Variants in SIPA1L1 observed in about 807,000 individuals in gnomAD.
SIPA1L1 encodes signal induced proliferation associated 1 like 1.
A neutral mutation model predicts 162.7 loss-of-function variants in SIPA1L1; 26 were observed. The ratio of observed to expected loss-of-function variants is 0.16; its 90% CI spans 0.12 to 0.22. The LOEUF is 0.22. SIPA1L1 is among the 10% of genes least tolerant of loss of function. The pLI is 1.00. For synonymous variants in SIPA1L1, 829 were observed against 837.4 expected (o/e 0.99, Z 0.17); for missense variants, 1,874 against 2,241.0 (o/e 0.84, Z 3.31).
At chr14:71,595,191 C>G (rs903680980) in intron 5 of SIPA1L1, among the ~76,000 whole-genome samples, 2 of 152,206 alleles carry the variant, frequency 1.3e-5, no homozygotes, top group Non-Finnish European at 2.9e-5. Flanking sequence ...TAGTTCAACA[C>G]TTGACTTTAT....
At position 71,646,941 on chromosome 14, in the gene SIPA1L1, C is replaced by T. The variant is rs118081072; in HGVS notation, c.1819-3394C>T. ...ATATAACCTCAAAGCAATCCAAAATCCCCACATCATGGCTTTACAACTCCA... is the reference window on the plus strand; with the variant it reads ...ATATAACCTCAAAGCAATCCAAAATTCCCACATCATGGCTTTACAACTCCA... On this transcript the variant is annotated intron_variant, in intron 7 of 23. Transcript: ENST00000381232. Among the ~76,000 whole-genome samples the T allele has an allele frequency of 3.0e-4, 46 of 152,288 alleles. No individual in the cohort carries two copies. The East Asian group carries it at 8.3e-3, about 28-fold the overall frequency.
At chr14:71,446,906 G>GTTT (rs1189940440) in intron 2 of SIPA1L1, among the ~76,000 whole-genome samples, 1,736 of 52,962 alleles carry the variant, frequency 0.033, 104 homozygotes, top group Middle Eastern at 0.062. Flanking sequence ...TTTTTTTTTT[G>GTTT]TTTTTTTTTT....
At chr14:71,683,985 T>A (rs577566250) in intron 12 of SIPA1L1, among the ~76,000 whole-genome samples, 1 of 152,314 alleles carries the variant, frequency 6.6e-6, no homozygotes, top group South Asian at 2.1e-4. Context: ...TAGGTTGTCA[T>A]CCAGAAAGTG....
intron 6 of SIPA1L1, among the ~76,000 whole-genome samples, chr14:71,622,599 TTTAAAAACAAA>T (rs1333670108): frequency 6.6e-6 from 1 of 152,218 alleles, no homozygotes; most frequent in African/African-American, 2.4e-5. Context: ...TTTTCCATGA[TTTAAAAACAAA>T]ATAAAAACTA....
chr14:71,651,057 G>A (rs1016024956), intron 8 of SIPA1L1, among the ~76,000 whole-genome samples: 14 of 152,110 alleles, frequency 9.2e-5, no homozygotes, highest in African/African-American at 3.4e-4. Context: ...AAAATGTGTT[G>A]ATTAAAAGCA....
chr14:71,704,857 G>A lies in SIPA1L1; in HGVS notation c.3647-365G>A. 4 of 988,492 alleles carry A rather than the reference G, an allele frequency of 4.0e-6. No individual in the cohort carries two copies. In the Admixed American group the frequency reaches 7.2e-5, roughly 18 times the overall value. 61.2% of individuals were successfully genotyped at this position (988,492 alleles called of 1,614,324 possible). A position where few individuals can be genotyped will look rare whatever the true frequency, so the allele number is the denominator to read the frequency against. On this transcript the variant is annotated intron_variant, in intron 15 of 23. Transcript: ENST00000381232. ...TGCCTGTCTAGGTAATGTAGACCAA[G>A]CTAGGTTAGCCACACTTGGCAATGA...
At chr14:71,419,648 C>T (rs901724687) in intron 2 of SIPA1L1, among the ~76,000 whole-genome samples, 1 of 151,672 alleles carries the variant, frequency 6.6e-6, no homozygotes, top group Non-Finnish European at 1.5e-5. Flanking sequence ...CAGGTGCCCG[C>T]CACCACGCCC....
intron 2 of SIPA1L1, among the ~76,000 whole-genome samples, chr14:71,446,230 T>C (rs1034476491): frequency 2.6e-5 from 4 of 152,124 alleles, no homozygotes; most frequent in Non-Finnish European, 1.5e-5. Context: ...ATTCAGAAAA[T>C]AGGAATCAAA....
At chr14:71,581,472 C>A (rs960085386) in intron 4 of SIPA1L1, among the ~76,000 whole-genome samples, 5 of 152,158 alleles carry the variant, frequency 3.3e-5, no homozygotes, top group Non-Finnish European at 5.9e-5. Flanking sequence ...GGAAAAAGGA[C>A]AAGCACTTAC....
Position 71,492,902 on chromosome 14 carries a change from A to T in SIPA1L1, c.-464-19841A>T, listed in dbSNP as rs943151690. Among the ~76,000 whole-genome samples, 8 of 151,530 alleles carry T rather than the reference A, an allele frequency of 5.3e-5. No individual in the cohort carries two copies. The East Asian group carries it at 5.9e-4, about 11-fold the overall frequency. ...TGGCCTCCCAAAGTGCTGGGATTATAGGCATGAGCCATTGTGCCCAGCCAG... is the reference window on the plus strand; with the variant it reads ...TGGCCTCCCAAAGTGCTGGGATTATTGGCATGAGCCATTGTGCCCAGCCAG... On this transcript the variant is annotated intron_variant, in intron 2 of 23. Coordinates refer to ENST00000381232, the MANE Select transcript of SIPA1L1 (RefSeq NM_001386936.1).
intron 2 of SIPA1L1, chr14:71,321,718 G>C (rs1372990604): frequency 6.6e-6 from 1 of 152,334 alleles, no homozygotes; most frequent in Non-Finnish European, 1.5e-5. Context: ...CTGGGAAGGC[G>C]TGAGGGTGCC....
intron 7 of SIPA1L1, among the ~76,000 whole-genome samples, chr14:71,644,035 T>C (rs1277794621): frequency 1.3e-5 from 2 of 152,180 alleles, no homozygotes; most frequent in Non-Finnish European, 2.9e-5. Flanking sequence ...CTCAAACTCC[T>C]GACCTTGTGA....
rs537039403 is a variant in SIPA1L1, at chr14:71,504,229, C to A, written c.-464-8514C>A. On this transcript the variant is annotated intron_variant, in intron 2 of 23. Coordinates refer to ENST00000381232, the MANE Select transcript of SIPA1L1 (RefSeq NM_001386936.1). ...TTCATTATCCTTTTTCCTTAAATGTCATTTTTCCTGTGCTGTAACATGACC... is the reference window on the plus strand; with the variant it reads ...TTCATTATCCTTTTTCCTTAAATGTAATTTTTCCTGTGCTGTAACATGACC... Among the ~76,000 whole-genome samples the A allele has an allele frequency of 7.2e-5, 11 of 152,042 alleles. No individual in the cohort carries two copies. In the East Asian group the frequency reaches 1.9e-3, roughly 27 times the overall value.
rs1485137132 is a variant in SIPA1L1, at chr14:71,439,002, G to GT, written c.-464-73735dup. 5.3e-5 allele frequency among the ~76,000 whole-genome samples: 8 copies of GT among 152,134 alleles called. No homozygotes were observed. In the East Asian group the frequency reaches 1.5e-3, roughly 29 times the overall value. On this transcript the variant is annotated intron_variant, in intron 2 of 23. Transcript: ENST00000381232. Reference sequence around the variant, plus strand: ...TTTGCCCTCTGCTTTCCTGCTTACTGTTTTTTGATTTGATTTAACTAATGT... The same window carrying GT: ...TTTGCCCTCTGCTTTCCTGCTTACTGTTTTTTTGATTTGATTTAACTAATGT...
At chr14:71,359,244 G>A (rs1193485979) in intron 2 of SIPA1L1, among the ~76,000 whole-genome samples, 10 of 152,124 alleles carry the variant, frequency 6.6e-5, no homozygotes, top group Non-Finnish European at 1.0e-4. Context: ...CCCTGCACAC[G>A]CTCTCTTGCC....
chr14:71,345,697 G>A (rs8015579), intron 2 of SIPA1L1, among the ~76,000 whole-genome samples: 106,274 of 150,630 alleles, frequency 0.71, 38,036 homozygotes, highest in Non-Finnish European at 0.74. Flanking sequence ...ACTCCTGAGT[G>A]GCTGGGACTA....
At chr14:71,560,336 T>C (rs758464680) in intron 4 of SIPA1L1, among the ~76,000 whole-genome samples, 3 of 152,216 alleles carry the variant, frequency 2.0e-5, no homozygotes, top group South Asian at 2.1e-4. Context: ...TGTTCAGTGA[T>C]GCCACAAGAG....
chr14:71,514,852 A>G (rs1206084873), intron 3 of SIPA1L1, among the ~76,000 whole-genome samples: 2 of 152,246 alleles, frequency 1.3e-5, no homozygotes, highest in African/African-American at 4.8e-5. Context: ...AACCAGTGTA[A>G]AAGACACTGT....
Position 71,655,350 on chromosome 14 carries a change from T to A in SIPA1L1, c.1994-2983T>A, listed in dbSNP as rs377405673. Among the ~76,000 whole-genome samples the A allele has an allele frequency of 2.0e-5, 3 of 152,328 alleles. No individual in the cohort carries two copies. The East Asian group carries it at 5.8e-4, about 29-fold the overall frequency. ...CATTCCATGATGTATATGTACCATG[T>A]TTCCTTTATCCAGTCTACCATTGAT... is the stretch of plus-strand genomic sequence containing the variant. On this transcript the variant is annotated intron_variant, in intron 8 of 23. Coordinates refer to ENST00000381232, the MANE Select transcript of SIPA1L1 (RefSeq NM_001386936.1).
Sources: gnomAD v4.1 joint callset for allele counts (sites outside exome capture counted in the v4.1 genomes callset) on GRCh38, gnomAD v4.1.1 for gene constraint, MANE v1.5 for transcripts, NCBI Gene and HGNC (gene_info 2026-07-23, HGNC 2026-07-21) for gene names.